PLXNC1: variants seen among roughly 807,000 people sequenced by gnomAD.
PLXNC1 encodes the protein plexin-C1.
A neutral mutation model predicts 178.2 loss-of-function variants in PLXNC1; 75 were observed. That is an observed-to-expected ratio of 0.42 (90% confidence interval 0.35 to 0.51). The LOEUF (loss-of-function observed/expected upper bound fraction) is 0.51. PLXNC1 is among the 20% of genes least tolerant of loss of function. PLXNC1 has a pLI of 0.02. For synonymous variants in PLXNC1, 790 were observed against 779.9 expected, an observed-to-expected ratio of 1.01 and a Z score of -0.22; for missense variants, 1,503 against 1,984.4, an observed-to-expected ratio of 0.76 and a Z score of 4.61.
rs1200282972 is a variant in PLXNC1 at position 94,297,379 on chromosome 12, T to C, written c.4030T>C (p.Phe1344Leu). ...QGKRHRGKHK[F>L]KVKEMYLTKL... ...AAAGAGACATCGAGGGAAGCACAAG[T>C]TCAAAGTAAAAGAAATGTATCTGAC... The change falls in exon 26 of 31, where the codon TTC becomes CTC. Residue 1344 changes from phenylalanine (F) to leucine (L), a missense_variant. Around this residue, in one of 4 missense-constraint regions of PLXNC1, gnomAD observed 639 missense variants for 979.7 expected, o/e 0.65. Coordinates refer to ENST00000258526, the MANE Select transcript of PLXNC1 (RefSeq NM_005761.3). 2 of 1,613,832 alleles carry C rather than the reference T, an allele frequency of 1.2e-6. No individual in the cohort carries two copies. Among genetic ancestry groups the C allele is most frequent in the Non-Finnish European group, 1.7e-6 (2 of 1,179,916 alleles).
intron 2 of PLXNC1, among the ~76,000 whole-genome samples, chr12:94,175,947 C>T (rs1157031920): frequency 4.6e-5 from 7 of 152,130 alleles, no homozygotes; most frequent in Admixed American, 4.6e-4. Context: ...GAGAAGTGAT[C>T]AGGGAAGGCT....
intron 4 of PLXNC1, among the ~76,000 whole-genome samples, chr12:94,189,773 T>C (rs1252727847): frequency 6.6e-6 from 1 of 152,030 alleles, no homozygotes; most frequent in Non-Finnish European, 1.5e-5. Context: ...GATGGAGTTA[T>C]TGGCAATGAC....
intron 14 of PLXNC1, among the ~76,000 whole-genome samples, chr12:94,250,703 G>T (rs1011222672): frequency 1.3e-5 from 2 of 152,146 alleles, no homozygotes; most frequent in African/African-American, 2.4e-5. Flanking sequence ...TGCCAATCTG[G>T]TTTTTGCCAC....
At chr12:94,253,775 G>A (rs1964766398) in intron 15 of PLXNC1, among the ~76,000 whole-genome samples, 2 of 151,924 alleles carry the variant, frequency 1.3e-5, no homozygotes, top group Non-Finnish European at 2.9e-5. Flanking sequence ...CTGGGCTCAA[G>A]TGGTCCTCCC....
chr12:94,185,002 T>C (rs757104883), intron 3 of PLXNC1, among the ~76,000 whole-genome samples: 4 of 152,352 alleles, frequency 2.6e-5, no homozygotes, highest in Non-Finnish European at 5.9e-5. Flanking sequence ...CCAATACTTA[T>C]TGAACATTTA....
intron 4 of PLXNC1, among the ~76,000 whole-genome samples, chr12:94,194,651 G>A (rs1962851529): frequency 6.6e-6 from 1 of 152,186 alleles, no homozygotes; most frequent in African/African-American, 2.4e-5. Flanking sequence ...CTACTCTGGA[G>A]GCTGAGGTGG....
In PLXNC1 at chr12:94,305,237, G is replaced by A. The variant is rs753763936; in HGVS notation, c.4659G>A (p.Leu1553=). ...TGGAAGAAGCTCAGAAACAACTCTT[G>A]CATGTAAAAGTCTTATTTGATGAAA... ...RGLEEAQKQL[L]HVKVLFDEKK... The change falls in exon 31 of 31, where the codon TTG becomes TTA. Residue 1553 remains leucine, a synonymous_variant. Transcript: ENST00000258526. The A allele has an allele frequency of 6.2e-7, 1 of 1,611,618 alleles. No homozygotes were observed. Among genetic ancestry groups the A allele is most frequent in the Non-Finnish European group, 8.5e-7 (1 of 1,178,330 alleles).
At chr12:94,235,408 G>A (rs1159656084) in intron 9 of PLXNC1, among the ~76,000 whole-genome samples, 2 of 152,170 alleles carry the variant, frequency 1.3e-5, no homozygotes, top group Non-Finnish European at 2.9e-5. Flanking sequence ...TACTTGGCAT[G>A]TTTGAAAATT....
intron 21 of PLXNC1, chr12:94,277,914 G>C (rs773433801): frequency 6.6e-6 from 3 of 456,018 alleles, no homozygotes; most frequent in South Asian, 1.5e-5. Context: ...AGGTAGGCCT[G>C]AGGGTTCCCA....
intron 20 of PLXNC1, among the ~76,000 whole-genome samples, chr12:94,261,522 G>A (rs11107487): frequency 2.0e-5 from 3 of 152,160 alleles, no homozygotes; most frequent in African/African-American, 7.2e-5. Flanking sequence ...AGAAAACATA[G>A]GCAATTGCTT....
rs3847815 is a variant in PLXNC1, at chr12:94,224,042, C to T, written c.1703-186C>T. On this transcript the variant is annotated intron_variant, in intron 6 of 30. Coordinates refer to ENST00000258526, the MANE Select transcript of PLXNC1 (RefSeq NM_005761.3). ...GTTTGGAGGCTTGAGCTGTGCACTT[C>T]GGCTGCCTGATGCGAATGGCCTATG... Among the ~76,000 whole-genome samples, 294 of 152,282 alleles carry T rather than the reference C, an allele frequency of 1.9e-3. 1 individual carries two copies. The highest frequency in any genetic ancestry group is 6.5e-3 in the African/African-American group (272 of 41,566).
intron 2 of PLXNC1, among the ~76,000 whole-genome samples, chr12:94,177,754 C>G (rs1025560883): frequency 2.6e-5 from 4 of 152,106 alleles, no homozygotes; most frequent in African/African-American, 9.7e-5. Flanking sequence ...CAATGATGCT[C>G]CAAGAGTAAA....
chr12:94,303,694 T>TA, intron 28 of PLXNC1, 62 bp from the exon 29 acceptor site: 1 of 135,736 alleles, frequency 7.4e-6, no homozygotes, highest in Non-Finnish European at 1.5e-5. Flanking sequence ...TTCCTCCATC[T>TA]TTTTTTTTTT....
chr12:94,259,526 G>A, intron 18 of PLXNC1, 84 bp from the exon 19 acceptor site: 1 of 1,195,014 alleles, frequency 8.4e-7, no homozygotes, highest in Non-Finnish European at 1.2e-6. Flanking sequence ...TCATTGTCTT[G>A]GAAAACCCAT....
chr12:94,249,102 G>A (rs1964607626), intron 14 of PLXNC1, among the ~76,000 whole-genome samples: 1 of 152,132 alleles, frequency 6.6e-6, no homozygotes, highest in Non-Finnish European at 1.5e-5. Context: ...AAGAACTTCA[G>A]ACTGGAAGGC....
chr12:94,184,705 G>A (rs1259904939), intron 3 of PLXNC1, among the ~76,000 whole-genome samples: 3 of 152,182 alleles, frequency 2.0e-5, no homozygotes, highest in South Asian at 2.1e-4. Flanking sequence ...GAGCCACCAC[G>A]GCCAGCCAGT....
At chr12:94,253,736 C>T (rs984493364) in intron 15 of PLXNC1, among the ~76,000 whole-genome samples, 1 of 151,824 alleles carries the variant, frequency 6.6e-6, no homozygotes, top group Non-Finnish European at 1.5e-5. Flanking sequence ...TGCAGTGGCA[C>T]GATCACGGCT....
chr12:94,212,273 C>CAAAAAAAAAAAAAAAAAAAA (rs146191533), intron 5 of PLXNC1, among the ~76,000 whole-genome samples: 1 of 89,158 alleles, frequency 1.1e-5, no homozygotes, highest in Non-Finnish European at 2.1e-5. Context: ...GACTCCGTCT[C>CAAAAAAAAAAAAAAAAAAAA]AAAAAAAAAA....
intron 4 of PLXNC1, among the ~76,000 whole-genome samples, chr12:94,201,748 CTTTTTTTTTTTTTTTTTTTT>C (rs10529488): frequency 3.7e-4 from 20 of 54,498 alleles, no homozygotes; most frequent in African/African-American, 1.3e-3. Context: ...CTTCCCACTA[CTTTTTTTTTTTTTTTTTTTT>C]TTTTTTTTTT....
Sources: gnomAD v4.1 joint callset for allele counts (sites outside exome capture counted in the v4.1 genomes callset) on GRCh38, gnomAD v4.1.1 for gene constraint, gnomAD v4.1.1 regional missense constraint, MANE v1.5 for transcripts, NCBI Gene and HGNC (gene_info 2026-07-23, HGNC 2026-07-21) for gene names.